The following PDE4D variants were observed in gnomAD, a reference collection of about 807,000 sequenced individuals.
PDE4D encodes phosphodiesterase 4D, also known as 3',5'-cyclic-AMP phosphodiesterase 4D.
A neutral mutation model predicts 87.4 loss-of-function variants in PDE4D; 24 were observed. That is an observed-to-expected ratio of 0.27 (90% confidence interval 0.20 to 0.39). PDE4D has a LOEUF of 0.39. Ranked by LOEUF, PDE4D falls within the 10% of genes least tolerant of loss-of-function variation. The pLI is 1.00. For synonymous variants in PDE4D, 384 were observed against 383.2 expected (o/e 1.00, Z -0.02); for missense variants, 714 against 1,041.0 (o/e 0.69, Z 4.32).
chr5:59,122,637 A>G (rs948581737), intron 5 of PDE4D, among the ~76,000 whole-genome samples: 5 of 152,248 alleles, frequency 3.3e-5, no homozygotes, highest in Admixed American at 6.5e-5. Flanking sequence ...CATCACATGA[A>G]CCCCATAAAT....
At chr5:59,819,837 G>A (rs537876037) in intron 1 of PDE4D, among the ~76,000 whole-genome samples, 19 of 152,336 alleles carry the variant, frequency 1.2e-4, no homozygotes, top group South Asian at 2.1e-4. Context: ...TCAGGCAAGC[G>A]TGTGCAAATT....
At chr5:59,142,486 A>G (rs1158446558) in intron 5 of PDE4D, among the ~76,000 whole-genome samples, 1 of 152,222 alleles carries the variant, frequency 6.6e-6, no homozygotes. Flanking sequence ...TCCCTTATAC[A>G]GTTTTATTCT....
intron 1 of PDE4D, among the ~76,000 whole-genome samples, chr5:60,208,590 C>A (rs1255119906): frequency 2.6e-5 from 4 of 152,180 alleles, no homozygotes; most frequent in Non-Finnish European, 4.4e-5. Flanking sequence ...CAAGCTCCAA[C>A]CTGGCAGCAC....
At chr5:59,336,663 T>C (rs1777705796) in intron 1 of PDE4D, among the ~76,000 whole-genome samples, 1 of 152,212 alleles carries the variant, frequency 6.6e-6, no homozygotes, top group African/African-American at 2.4e-5. Flanking sequence ...ATGTTGAGAA[T>C]TGTTTTGAGG....
intron 1 of PDE4D, among the ~76,000 whole-genome samples, chr5:60,378,282 T>C (rs1255622843): frequency 6.6e-6 from 1 of 152,210 alleles, no homozygotes; most frequent in Non-Finnish European, 1.5e-5. Flanking sequence ...CTTCATCTTC[T>C]CTATAATTTA....
intron 1 of PDE4D, among the ~76,000 whole-genome samples, chr5:59,594,914 TA>T (rs964926719): frequency 3.5e-4 from 53 of 151,198 alleles, no homozygotes; most frequent in Non-Finnish European, 3.2e-4. Context: ...GGTTCAATTG[TA>T]AAAAAAAATG....
intron 5 of PDE4D, among the ~76,000 whole-genome samples, chr5:59,110,867 G>C (rs1772503559): frequency 6.6e-6 from 1 of 152,028 alleles, no homozygotes; most frequent in African/African-American, 2.4e-5. Context: ...GCTAGACCCA[G>C]TCTCAAAAAA....
intron 1 of PDE4D, among the ~76,000 whole-genome samples, chr5:59,741,400 T>C (rs1758814492): frequency 6.6e-6 from 1 of 152,176 alleles, no homozygotes; most frequent in Non-Finnish European, 1.5e-5. Context: ...TTTTTAAAAA[T>C]TCTTGCAGTT....
chr5:60,080,254 C>G (rs1773775327), intron 2 of PDE4D, among the ~76,000 whole-genome samples: 1 of 152,126 alleles, frequency 6.6e-6, no homozygotes, highest in Admixed American at 6.5e-5. Context: ...TTTGCTGAAA[C>G]TGCTTATCAG....
chr5:59,090,698 G>A (rs1196047794), intron 5 of PDE4D, among the ~76,000 whole-genome samples: 1 of 151,760 alleles, frequency 6.6e-6, no homozygotes, highest in African/African-American at 2.4e-5. Flanking sequence ...ACAACAAGAC[G>A]GAATCCAAAG....
chr5:59,275,696 T>G, intron 1 of PDE4D: 2 of 1,097,670 alleles, frequency 1.8e-6, no homozygotes, highest in Non-Finnish European at 2.2e-6. Context: ...TCTGAATTGA[T>G]TCTTCATCTG....
rs193261816 is a variant in PDE4D at position 59,931,740 on chromosome 5, C to G, written c.272+56748G>C. 4.2e-4 allele frequency among the ~76,000 whole-genome samples: 54 copies of G among 128,220 alleles called. 1 individual carries two copies. Among genetic ancestry groups the G allele is most frequent in the African/African-American group, 1.4e-3 (48 of 34,776 alleles). 84.1% of individuals were successfully genotyped at this position (128,220 alleles called of 152,430 possible). A position where few individuals can be genotyped will look rare whatever the true frequency, so the allele number is the denominator to read the frequency against. On this transcript the variant is annotated intron_variant, in intron 3 of 16. Coordinates refer to the PDE4D transcript ENST00000502484. ...TTTTTGAGACGGAGTCTCACTCTGT[C>G]GCCCAGGCTGGAGTGCAGTGGTGCA...
chr5:59,941,035 T>C (rs923430145), intron 3 of PDE4D, among the ~76,000 whole-genome samples: 2 of 152,212 alleles, frequency 1.3e-5, no homozygotes, highest in Non-Finnish European at 2.9e-5. Flanking sequence ...TAATATACTG[T>C]AGCAACTCTT....
chr5:59,116,406 G>A lies in PDE4D; in HGVS notation c.808+64189C>T, dbSNP rs1399747518. On this transcript the variant is annotated intron_variant, in intron 5 of 14. Coordinates refer to ENST00000340635, the MANE Select transcript of PDE4D (RefSeq NM_001104631.2). ...TCCCAAACTTTCACAGCTCAGACCTGCAGAGACAGGTTTTAAAAACAACAT... is the reference window on the plus strand; with the variant it reads ...TCCCAAACTTTCACAGCTCAGACCTACAGAGACAGGTTTTAAAAACAACAT... 2.0e-5 allele frequency among the ~76,000 whole-genome samples: 3 copies of A among 152,082 alleles called. No homozygotes were observed. In the East Asian group the frequency reaches 5.8e-4, roughly 29 times the overall value.
At chr5:59,625,795 C>G (rs1376878974) in intron 1 of PDE4D, among the ~76,000 whole-genome samples, 6 of 152,106 alleles carry the variant, frequency 3.9e-5, no homozygotes, top group Non-Finnish European at 8.8e-5. Flanking sequence ...CATTACAAAC[C>G]AATGACTGGG....
chr5:59,706,781 T>A (rs747379757), intron 1 of PDE4D, among the ~76,000 whole-genome samples: 4 of 152,154 alleles, frequency 2.6e-5, no homozygotes, highest in Non-Finnish European at 5.9e-5. Context: ...TATAAATCCT[T>A]TTCCGAGCTC....
At chr5:60,301,196 G>A (rs1228765011) in intron 1 of PDE4D, among the ~76,000 whole-genome samples, 1 of 152,158 alleles carries the variant, frequency 6.6e-6, no homozygotes, top group African/African-American at 2.4e-5. Context: ...TGGCAATTTG[G>A]GCTCTTTTTT....
intron 1 of PDE4D, among the ~76,000 whole-genome samples, chr5:59,216,263 C>T (rs1273282450): frequency 1.3e-5 from 2 of 152,130 alleles, no homozygotes; most frequent in East Asian, 1.9e-4. Flanking sequence ...CTTCTAAGTA[C>T]AAAATTCCTT....
intron 5 of PDE4D, among the ~76,000 whole-genome samples, chr5:59,062,561 T>C (rs1763281594): frequency 6.6e-6 from 1 of 152,028 alleles, no homozygotes; most frequent in South Asian, 2.1e-4. Flanking sequence ...AGTTTAGGGA[T>C]AGAGGGCTAT....
Sources: gnomAD v4.1 joint callset for allele counts (sites outside exome capture counted in the v4.1 genomes callset) on GRCh38, gnomAD v4.1.1 for gene constraint, MANE v1.5 for transcripts, NCBI Gene and HGNC (gene_info 2026-07-23, HGNC 2026-07-21) for gene names.